The following SCN7A variants were observed in gnomAD, a reference collection of about 807,000 sequenced individuals.
The protein encoded by SCN7A is sodium voltage-gated channel alpha subunit 7.
SCN7A carries 138 observed loss-of-function variants against 155.2 expected under a neutral mutation model. The observed-to-expected ratio is 0.89, with a 90% CI of 0.77 to 1.02. The LOEUF is 1.02. Ranked by LOEUF, SCN7A falls within the 50% of genes least tolerant of loss-of-function variation. The pLI is 0.00. For synonymous variants in SCN7A, 693 were observed against 649.0 expected (o/e 1.07, Z -1.03); for missense variants, 2,058 against 1,986.6 (o/e 1.04, Z -0.68).
chr2:166,450,523 C>T lies in SCN7A; in HGVS notation c.1291-2815G>A, dbSNP rs143817721. ...GTAATCTAAAAGTTCAGGATGTGGA[C>T]GGGTGTGGTGGCTCACGCCTGTAAT... On this transcript the variant is annotated intron_variant, in intron 11 of 25. Transcript: ENST00000643258. Among the ~76,000 whole-genome samples, 1,193 of 152,052 alleles carry T rather than the reference C, an allele frequency of 7.8e-3. 15 individuals carry two copies. The highest frequency in any genetic ancestry group is 0.027 in the African/African-American group (1,105 of 41,482).
At chr2:166,445,140 A>T in intron 12 of SCN7A, 140 bp from the exon 13 acceptor site, 1 of 599,344 alleles carries the variant, frequency 1.7e-6, no homozygotes, top group Non-Finnish European at 3.0e-6. Flanking sequence ...ATATAGTGAA[A>T]CTTTGTCTCT....
chr2:166,491,822 G>C (rs1575074097), intron 1 of SCN7A, among the ~76,000 whole-genome samples: 1 of 152,110 alleles, frequency 6.6e-6, no homozygotes. Flanking sequence ...TGGAAATAAT[G>C]GGATCAGACT....
At chr2:166,477,853 C>G (rs1702836107) in intron 2 of SCN7A, 143 bp from the exon 3 acceptor site, 4 of 493,892 alleles carry the variant, frequency 8.1e-6, no homozygotes, top group Non-Finnish European at 1.4e-5. Flanking sequence ...TCTAAGTTGT[C>G]CTGAGTTTTA....
intron 15 of SCN7A, among the ~76,000 whole-genome samples, chr2:166,439,041 A>ATGTGTGTGTGTG (rs201282077): frequency 9.8e-5 from 12 of 122,844 alleles, no homozygotes; most frequent in Non-Finnish European, 1.9e-4. Context: ...ACATACATAT[A>ATGTGTGTGTGTG]TGTGTGTGTG....
At chr2:166,411,351 C>T (rs756732106) in intron 23 of SCN7A, among the ~76,000 whole-genome samples, 4 of 151,962 alleles carry the variant, frequency 2.6e-5, no homozygotes, top group Admixed American at 6.6e-5. Context: ...TCTATGCCAC[C>T]CACACATTAC....
chr2:166,476,193 G>C lies in SCN7A; in HGVS notation c.234+1270C>G, dbSNP rs528878340. ...CATGGAGGCTACCCGAGATACTGCA[G>C]TCATTTAAGTTAATATATACATTTC... On this transcript the variant is annotated intron_variant, in intron 3 of 25. Transcript: ENST00000643258. Among the ~76,000 whole-genome samples the C allele has an allele frequency of 1.4e-3, 209 of 151,822 alleles. 2 individuals carry two copies. The highest frequency in any genetic ancestry group is 6.8e-3 in the Middle Eastern group (2 of 294).
At chr2:166,411,230 T>C (rs1176238533) in intron 23 of SCN7A, among the ~76,000 whole-genome samples, 1 of 151,998 alleles carries the variant, frequency 6.6e-6, no homozygotes, top group Non-Finnish European at 1.5e-5. Context: ...AATAAATAGT[T>C]AATACATTTT....
chr2:166,478,888 T>G (rs1319152024), intron 2 of SCN7A, among the ~76,000 whole-genome samples: 1 of 152,040 alleles, frequency 6.6e-6, no homozygotes, highest in Non-Finnish European at 1.5e-5. Context: ...TCCCCATTCA[T>G]GAACCTGGTT....
intron 1 of SCN7A, among the ~76,000 whole-genome samples, chr2:166,490,723 C>T (rs1683078140): frequency 6.6e-6 from 1 of 152,144 alleles, no homozygotes; most frequent in Admixed American, 6.5e-5. Context: ...ACCCTGGAGG[C>T]TTCTTAGAAC....
rs750508302 is a variant in SCN7A, at chr2:166,406,106, T to G, written c.4523A>C (p.Lys1508Thr). ...CCTAAAATCATCTTCACTCAAGGTC[T>G]TGTTTTTCTTCTTAGAAGCAATATT... is the stretch of plus-strand genomic sequence containing the variant. ...FLNIASKKKN[K>T]TLSEDDFRKF... The change falls in exon 26 of 26, where the codon AAG (lysine) becomes ACG (threonine). Residue 1508 changes from lysine (K) to threonine (T), a missense_variant. By Grantham distance (78) the Lys-to-Thr change is moderately conservative. Coordinates refer to ENST00000643258, the MANE Select transcript of SCN7A (RefSeq NM_002976.4). 6.2e-7 allele frequency: 1 copy of G among 1,612,048 alleles called. No homozygotes were observed. The highest frequency in any genetic ancestry group is 8.5e-7 in the Non-Finnish European group (1 of 1,178,882).
In SCN7A at chr2:166,421,201, C is replaced by A; in HGVS notation, c.3124G>T (p.Glu1042Ter). 6.6e-7 allele frequency: 1 copy of A among 1,517,456 alleles called. No homozygotes were observed. Among genetic ancestry groups the A allele is most frequent in the Non-Finnish European group, 8.8e-7 (1 of 1,135,320 alleles). The allele number at this position is 1,517,456 out of a possible 1,614,324, so 94.0% of individuals were successfully genotyped here. ...AACTTATCTCTTACCTTCATTCTTT[C>A]AAATTGAGATAGAACTCTGAGGGGC... Reference protein sequence around the residue: ...LRPLRVLSQFERMKVVVRALI... With the variant: ...LRPLRVLSQF Residue 1042 changes from glutamate (E) to a stop codon, truncating the protein, a stop_gained, in exon 20 of 26, where the codon GAA becomes TAA. Transcript: ENST00000643258. LOFTEE classifies it high-confidence loss of function.
chr2:166,440,071 T>C (rs187749207), intron 15 of SCN7A, among the ~76,000 whole-genome samples: 4 of 152,220 alleles, frequency 2.6e-5, no homozygotes, highest in Admixed American at 2.6e-4. Context: ...ATTTAATTCA[T>C]TAGAACCACT....
At chr2:166,485,719 G>C (rs1703032178) in intron 2 of SCN7A, among the ~76,000 whole-genome samples, 1 of 152,088 alleles carries the variant, frequency 6.6e-6, no homozygotes, top group African/African-American at 2.4e-5. Context: ...AGTAACTCTG[G>C]GAAAGTGGTC....
At chr2:166,459,768 C>T (rs948466438) in intron 10 of SCN7A, among the ~76,000 whole-genome samples, 1 of 152,136 alleles carries the variant, frequency 6.6e-6, no homozygotes, top group East Asian at 1.9e-4. Flanking sequence ...AAATGTGGCA[C>T]ATATACACCA....
intron 15 of SCN7A, among the ~76,000 whole-genome samples, chr2:166,434,859 C>T (rs915279051): frequency 6.6e-6 from 1 of 151,968 alleles, no homozygotes; most frequent in African/African-American, 2.4e-5. Flanking sequence ...ATTAGACAAC[C>T]AGCACACTGC....
intron 9 of SCN7A, among the ~76,000 whole-genome samples, chr2:166,463,543 C>T (rs901006370): frequency 1.3e-5 from 2 of 152,192 alleles, no homozygotes; most frequent in African/African-American, 2.4e-5. Context: ...CACTGCATGA[C>T]TTTCTCTTCT....
intron 2 of SCN7A, among the ~76,000 whole-genome samples, chr2:166,482,470 C>T (rs1349569385): frequency 6.6e-6 from 1 of 151,880 alleles, no homozygotes; most frequent in African/African-American, 2.4e-5. Flanking sequence ...TGCCACCCCC[C>T]AGCTATGAGA....
intron 2 of SCN7A, among the ~76,000 whole-genome samples, chr2:166,483,786 G>A (rs999217382): frequency 6.6e-6 from 1 of 151,740 alleles, no homozygotes; most frequent in African/African-American, 2.4e-5. Context: ...AAATAAAAAC[G>A]TTTACACTTT....
rs1701683893 is a variant in SCN7A, at chr2:166,429,244, T to C, written c.2623A>G (p.Ser875Gly). The change falls in exon 17 of 26, where the codon AGT (serine) becomes GGT (glycine). Residue 875 changes from serine to glycine, a missense_variant. Ser to Gly is a moderately conservative substitution (Grantham distance 56, BLOSUM62 0). Coordinates refer to ENST00000643258, the MANE Select transcript of SCN7A (RefSeq NM_002976.4). ...TCAGAGATAGCAATATCAACAGTAC[T>C]GCATTCAGATGAGCTAGATTGCTTT... is the stretch of plus-strand genomic sequence containing the variant. ...KIKQSSSSEC[S>G]TVDIAISEEE... The C allele has an allele frequency of 1.9e-6, 3 of 1,541,550 alleles. No individual in the cohort carries two copies. The African/African-American group carries it at 4.1e-5, about 21-fold the overall frequency.
Sources: gnomAD v4.1 joint callset for allele counts (sites outside exome capture counted in the v4.1 genomes callset) on GRCh38, gnomAD v4.1.1 for gene constraint, MANE v1.5 for transcripts, NCBI Gene and HGNC (gene_info 2026-07-23, HGNC 2026-07-21) for gene names.